Variants in BIRC6 observed in about 807,000 individuals in gnomAD.
BIRC6 encodes the protein baculoviral IAP repeat containing 6.
Under a neutral mutation model 503.3 loss-of-function variants are expected in BIRC6, and 98 were observed. The observed-to-expected ratio is 0.19, with a 90% CI of 0.17 to 0.23. The LOEUF (loss-of-function observed/expected upper bound fraction) is 0.23, where lower values mean the gene tolerates loss of function less well. BIRC6 is among the 10% of genes least tolerant of loss of function. The probability of loss-of-function intolerance (pLI) is 1.00; values close to 1 mark genes in which losing one functional copy is unlikely to be tolerated. For missense variants in BIRC6, 5,360 were observed against 5,806.0 expected, an observed-to-expected ratio of 0.92 and a Z score of 2.50; for synonymous variants, 2,240 against 2,078.7, an observed-to-expected ratio of 1.08 and a Z score of -2.11.
chr2:32,391,332 G>T (rs72867232), intron 4 of BIRC6, among the ~76,000 whole-genome samples: 55 of 152,288 alleles, frequency 3.6e-4, no homozygotes, highest in African/African-American at 1.2e-3. Flanking sequence ...ACTTAGGTCT[G>T]TGGAAGGTTT....
intron 1 of BIRC6, among the ~76,000 whole-genome samples, chr2:32,359,476 A>C (rs1023067540): frequency 6.6e-6 from 1 of 152,198 alleles, no homozygotes; most frequent in African/African-American, 2.4e-5. Context: ...GATGTATAAC[A>C]TGAAGGTGTA....
chr2:32,403,979 G>T (rs2040892151), intron 8 of BIRC6, among the ~76,000 whole-genome samples: 1 of 149,302 alleles, frequency 6.7e-6, no homozygotes, highest in Non-Finnish European at 1.5e-5. Flanking sequence ...CCAGGTTAGA[G>T]TGCAGTGGCG....
At position 32,432,301 on chromosome 2, in the gene BIRC6, A is replaced by G. The variant is rs370158056; in HGVS notation, c.3248+1211A>G. ...TGTGGTGGTGCACACCTGTAATCCC[A>G]GCTACTCAGGAGGCTGAGGCAGAGA... On this transcript the variant is annotated intron_variant, in intron 12 of 73. Transcript: ENST00000421745. 1.3e-5 allele frequency among the ~76,000 whole-genome samples: 2 copies of G among 152,180 alleles called. 1 individual carries two copies. Among genetic ancestry groups the G allele is most frequent in the East Asian group, 3.9e-4 (2 of 5,188 alleles).
chr2:32,522,895 A>C (rs1317594358), intron 57 of BIRC6: 1 of 152,170 alleles, frequency 6.6e-6, no homozygotes, highest in South Asian at 2.1e-4. Context: ...CATAGATGCA[A>C]ATATTTTCTT....
chr2:32,616,861 T>C (rs890786898), intron 73 of BIRC6, among the ~76,000 whole-genome samples: 4 of 152,120 alleles, frequency 2.6e-5, no homozygotes, highest in Non-Finnish European at 5.9e-5. Flanking sequence ...TCCCAGCTCT[T>C]TGGGAGGCCA....
In BIRC6 at chr2:32,415,134, A is replaced by C. The variant is rs2042265719; in HGVS notation, c.1843A>C (p.Asn615His). The change falls in exon 10 of 74, where the codon AAT (asparagine) becomes CAT (histidine). Residue 615 changes from asparagine to histidine, a missense_variant. Asn to His is a moderately conservative substitution (Grantham distance 68). Around this residue, in one of 16 missense-constraint regions of BIRC6, gnomAD observed 700 missense variants for 739.3 expected, o/e 0.95. Coordinates refer to ENST00000421745, the MANE Select transcript of BIRC6 (RefSeq NM_016252.4). ...GTCAACTGACAATGAATCCTGCACT[A>C]ATTCAGAACTAAATTCTCCTCTGGT... ...QGSTDNESCTNSELNSPLVRR... is the reference protein window; with the variant it reads ...QGSTDNESCTHSELNSPLVRR... The C allele has an allele frequency of 6.2e-7, 1 of 1,613,972 alleles. No individual in the cohort carries two copies.
intron 1 of BIRC6, among the ~76,000 whole-genome samples, chr2:32,369,978 ATATATATG>A (rs1355884506): frequency 0.011 from 614 of 53,962 alleles, 2 homozygotes; most frequent in African/African-American, 0.016. Context: ...ATATATATAT[ATATATATG>A]TATGTATGTA....
intron 71 of BIRC6, among the ~76,000 whole-genome samples, chr2:32,606,491 G>A (rs989267880): frequency 1.3e-5 from 2 of 152,042 alleles, no homozygotes; most frequent in South Asian, 2.1e-4. Context: ...TACTTGAGAG[G>A]CTGAGGAAGG....
In BIRC6 at chr2:32,426,726, A is replaced by G. The variant is rs1235883563; in HGVS notation, c.2873-2420A>G. ...TATTTATTATATTCACCTACTTACC[A>G]TTTCTGTTCTTTATTTTTTCAGTGA... On this transcript the variant is annotated intron_variant, in intron 10 of 73. Transcript: ENST00000421745. Among the ~76,000 whole-genome samples the G allele has an allele frequency of 2.0e-5, 3 of 152,304 alleles. No individual in the cohort carries two copies. In the South Asian group the frequency reaches 6.2e-4, roughly 32 times the overall value.
At chr2:32,513,360 T>C (rs183734193) in intron 54 of BIRC6, among the ~76,000 whole-genome samples, 4 of 152,204 alleles carry the variant, frequency 2.6e-5, no homozygotes, top group Admixed American at 6.5e-5. Context: ...TACTGCCTTC[T>C]TTTTTTTAAC....
chr2:32,460,987 G>C (rs1405449784), intron 23 of BIRC6, among the ~76,000 whole-genome samples: 2 of 142,598 alleles, frequency 1.4e-5, no homozygotes, highest in Admixed American at 1.4e-4. Flanking sequence ...CAATTGCTCT[G>C]CTCTGCTCTG....
intron 57 of BIRC6, 109 bp downstream of exon 57, chr2:32,519,055 A>G: frequency 9.3e-7 from 1 of 1,074,302 alleles, no homozygotes; most frequent in Non-Finnish European, 1.3e-6. Context: ...ACCATTGATG[A>G]CTAGGAAAGT....
At chr2:32,595,272 A>G (rs1573263937) in intron 68 of BIRC6, 128 bp downstream of exon 68, 2 of 580,832 alleles carry the variant, frequency 3.4e-6, no homozygotes, top group Non-Finnish European at 6.0e-6. Context: ...CTTCATACAT[A>G]TCAACATTTT....
intron 6 of BIRC6, among the ~76,000 whole-genome samples, chr2:32,397,612 G>T (rs1051203921): frequency 4.8e-4 from 63 of 130,860 alleles, no homozygotes; most frequent in Admixed American, 4.4e-3. Flanking sequence ...GTGTATATAT[G>T]TGTGTATATA....
At chr2:32,576,912 A>G (rs969776712) in intron 66 of BIRC6, among the ~76,000 whole-genome samples, 1 of 151,888 alleles carries the variant, frequency 6.6e-6, no homozygotes, top group African/African-American at 2.4e-5. Flanking sequence ...GACTCATACA[A>G]CTCTGTTACT....
chr2:32,418,741 T>C (rs760955681), intron 10 of BIRC6, among the ~76,000 whole-genome samples: 3 of 152,128 alleles, frequency 2.0e-5, no homozygotes, highest in Non-Finnish European at 4.4e-5. Flanking sequence ...AGAAGAGAAA[T>C]AGTATTTACA....
intron 1 of BIRC6, among the ~76,000 whole-genome samples, chr2:32,374,002 C>A (rs528389282): frequency 2.0e-5 from 3 of 152,058 alleles, no homozygotes; most frequent in African/African-American, 7.2e-5. Context: ...TTAGAGTAGT[C>A]GAATTCATGA....
At chr2:32,411,195 C>T (rs1403277651) in intron 9 of BIRC6, among the ~76,000 whole-genome samples, 2 of 151,580 alleles carry the variant, frequency 1.3e-5, no homozygotes, top group African/African-American at 4.8e-5. Flanking sequence ...CATGCCACCA[C>T]GCTTGGCTAA....
intron 9 of BIRC6, among the ~76,000 whole-genome samples, chr2:32,408,890 C>T (rs979382904): frequency 5.3e-5 from 8 of 152,138 alleles, no homozygotes; most frequent in African/African-American, 1.9e-4. Context: ...TATTCATTCA[C>T]AGTAAAAGTA....
Sources: gnomAD v4.1 joint callset for allele counts (sites outside exome capture counted in the v4.1 genomes callset) on GRCh38, gnomAD v4.1.1 for gene constraint, gnomAD v4.1.1 regional missense constraint, MANE v1.5 for transcripts, NCBI Gene and HGNC (gene_info 2026-07-23, HGNC 2026-07-21) for gene names.